Variants in KCNK10 observed in about 807,000 individuals in gnomAD.
The protein encoded by KCNK10 is potassium channel subfamily K member 10.
In KCNK10, 25 loss-of-function variants were observed where a neutral mutation model predicts 47.7. That is an observed-to-expected ratio of 0.52 (90% CI 0.38 to 0.73). The LOEUF (loss-of-function observed/expected upper bound fraction) is 0.73, where lower values mean the gene tolerates loss of function less well. Among genes scored for constraint, KCNK10 ranks in the 30% least tolerant of loss-of-function variants. The pLI, the probability that KCNK10 is intolerant of heterozygous loss-of-function variation, is 0.00. For synonymous variants in KCNK10, 303 were observed against 285.6 expected, an observed-to-expected ratio of 1.06 and a Z score of -0.61; for missense variants, 563 against 714.5, an observed-to-expected ratio of 0.79 and a Z score of 2.42.
rs1317844760 is a variant in KCNK10 at position 88,185,691 on chromosome 14, C to T, written c.1476G>A (p.Glu492=). ...AGTTACACATCTTTTCCGTCTCCTCCTCTTTCTTCTCCTCGTCCAGGGAGT... is the reference window on the plus strand; with the variant it reads ...AGTTACACATCTTTTCCGTCTCCTCTTCTTTCTTCTCCTCGTCCAGGGAGT... ...RNYSLDEEKK[E]EETEKMCNSD... Residue 492 remains glutamate, a synonymous_variant, in exon 7 of 7, where the codon GAG becomes GAA. Coordinates refer to ENST00000319231, the MANE Select transcript of KCNK10 (RefSeq NM_138317.3). The surrounding 1 kb of genome is among the most constrained non-coding windows in gnomAD (Gnocchi z 4.3). 1.2e-6 allele frequency: 2 copies of T among 1,614,196 alleles called. No individual in the cohort carries two copies. Among genetic ancestry groups the T allele is most frequent in the Non-Finnish European group, 1.7e-6 (2 of 1,180,042 alleles).
At chr14:88,274,457 AG>A (rs1285844482) in intron 1 of KCNK10, among the ~76,000 whole-genome samples, 1 of 147,508 alleles carries the variant, frequency 6.8e-6, no homozygotes, top group African/African-American at 2.5e-5. Context: ...GCTACTCAGG[AG>A]GCTGAGGCAG....
At position 88,180,765 on chromosome 14, in the gene KCNK10, T is replaced by C; in HGVS notation, c.*4770A>G. 2.5e-6 allele frequency: 1 copy of C among 398,450 alleles called. No homozygotes were observed. 24.7% of individuals were successfully genotyped at this position (398,450 alleles called of 1,614,324 possible). ...TGAGAGAACTGAGGTTTACATGGAG[T>C]ATGGATGGGTTGGTGAAGTCCAATG... On this transcript the variant is annotated 3_prime_UTR_variant, in exon 7 of 7. Coordinates refer to ENST00000319231, the MANE Select transcript of KCNK10 (RefSeq NM_138317.3).
At chr14:88,217,716 A>G (rs113562757) in intron 4 of KCNK10, among the ~76,000 whole-genome samples, 181 of 136,422 alleles carry the variant, frequency 1.3e-3, no homozygotes, top group African/African-American at 5.2e-3. Flanking sequence ...CACCTCACCC[A>G]AGTAATTTGA....
At chr14:88,190,609 C>G (rs572273512) in intron 5 of KCNK10, among the ~76,000 whole-genome samples, 2 of 152,002 alleles carry the variant, frequency 1.3e-5, no homozygotes, top group African/African-American at 2.4e-5. Flanking sequence ...TTTAGTCACA[C>G]TGACTAAAAA....
intron 3 of KCNK10, among the ~76,000 whole-genome samples, chr14:88,236,560 A>T (rs1326642974): frequency 6.6e-6 from 1 of 152,242 alleles, no homozygotes; most frequent in African/African-American, 2.4e-5. Flanking sequence ...AGCTACGACT[A>T]AAACAAATGC....
At chr14:88,276,842 C>T (rs1014790480) in intron 1 of KCNK10, among the ~76,000 whole-genome samples, 15 of 152,264 alleles carry the variant, frequency 9.9e-5, no homozygotes, top group African/African-American at 3.6e-4. Context: ...CTCTGCTCAG[C>T]TACAGCTGTC....
intron 2 of KCNK10, among the ~76,000 whole-genome samples, chr14:88,244,805 T>TAG (rs1886582815): frequency 1.3e-5 from 2 of 152,112 alleles, no homozygotes; most frequent in South Asian, 4.1e-4. Context: ...TGTTACAGGG[T>TAG]AGAGGTTCAA....
chr14:88,310,517 T>C (rs1204765855), intron 1 of KCNK10, among the ~76,000 whole-genome samples: 1 of 152,102 alleles, frequency 6.6e-6, no homozygotes, highest in African/African-American at 2.4e-5. Flanking sequence ...AGAGGGACTT[T>C]ATAGGGCTCC....
intron 1 of KCNK10, among the ~76,000 whole-genome samples, chr14:88,287,517 C>T (rs907279350): frequency 1.3e-5 from 2 of 152,164 alleles, no homozygotes; most frequent in South Asian, 2.1e-4. Context: ...GATGCCTTTG[C>T]ATCCTCATAG....
chr14:88,312,555 C>A (rs146900363), intron 1 of KCNK10, among the ~76,000 whole-genome samples: 1 of 152,298 alleles, frequency 6.6e-6, no homozygotes, highest in East Asian at 1.9e-4. Context: ...TGGAGGCCAT[C>A]CTGTTTTTTC....
At position 88,185,974 on chromosome 14, in the gene KCNK10, G is replaced by A. The variant is rs1024950746; in HGVS notation, c.1193C>T (p.Ser398Phe). ...DQRAHSLDML[S>F]PEKRSVFAAL... ...AGCAAAGACAGAGCGCTTCTCGGGG[G>A]ACAGCATGTCCAGTGAGTGGGCCCG... Residue 398 changes from serine (S) to phenylalanine (F), a missense_variant, in exon 7 of 7, where the codon TCC becomes TTC. Transcript: ENST00000319231. This position sits in a 1 kb window ranked among gnomAD's most constrained non-coding sequence, Gnocchi z 4.3. 1 of 1,613,538 alleles carries A rather than the reference G, an allele frequency of 6.2e-7. No individual in the cohort carries two copies. The highest frequency in any genetic ancestry group is 1.3e-5 in the African/African-American group (1 of 74,924).
In KCNK10 at chr14:88,192,405, C is replaced by A. The variant is rs769909182; in HGVS notation, c.687G>T (p.Lys229Asn). The change falls in exon 5 of 7, where the codon AAG becomes AAT. Residue 229 changes from lysine (K) to asparagine (N), a missense_variant. Physicochemically the swap from Lys to Asn is moderately conservative, Grantham distance 94. Coordinates refer to ENST00000319231, the MANE Select transcript of KCNK10 (RefSeq NM_138317.3). ...CCCGGATCTTGGTCTGACTCACTTGCTTTTTCTAGGAAGAGCAAAGGAGAA... is the reference window on the plus strand; with the variant it reads ...CCCGGATCTTGGTCTGACTCACTTGATTTTTCTAGGAAGAGCAAAGGAGAA... ...IARVEKVFRK[K>N]QVSQTKIRVI... 12 of 1,613,332 alleles carry A rather than the reference C, an allele frequency of 7.4e-6. No individual in the cohort carries two copies. The East Asian group carries it at 2.5e-4, about 33-fold the overall frequency.
intron 4 of KCNK10, among the ~76,000 whole-genome samples, chr14:88,223,196 A>G (rs569391592): frequency 3.3e-5 from 5 of 152,154 alleles, no homozygotes; most frequent in Non-Finnish European, 7.4e-5. Flanking sequence ...ACATCTACCC[A>G]GCAACTGACT....
rs34318518 is a variant in KCNK10 at position 88,212,109 on chromosome 14, A to AATATATATATATATATATATATAT, written c.681+15265_681+15266insATATATATATATATATATATATAT. The stretch of plus-strand genomic sequence containing the variant: ...ACTTTTGGTACTAACTGATAGTGAG[A>AATATATATATATATATATATATAT]ATATATATATATATATATATATCGA... On this transcript the variant is annotated intron_variant, in intron 4 of 6. Coordinates refer to ENST00000319231, the MANE Select transcript of KCNK10 (RefSeq NM_138317.3). Among the ~76,000 whole-genome samples, 1,059 of 132,540 alleles carry AATATATATATATATATATATATAT rather than the reference A, an allele frequency of 8.0e-3. 14 individuals are homozygous for AATATATATATATATATATATATAT. The highest frequency in any genetic ancestry group is 0.015 in the East Asian group (54 of 3,722). 87.0% of individuals were successfully genotyped at this position (132,540 alleles called of 152,430 possible). A position where few individuals can be genotyped will look rare whatever the true frequency, so the allele number is the denominator to read the frequency against.
chr14:88,273,611 C>T (rs1454430954), intron 1 of KCNK10, among the ~76,000 whole-genome samples: 2 of 152,138 alleles, frequency 1.3e-5, no homozygotes, highest in African/African-American at 4.8e-5. Context: ...CAGGCATATC[C>T]GACTGGACCA....
intron 4 of KCNK10, among the ~76,000 whole-genome samples, chr14:88,205,842 C>A (rs946783925): frequency 6.6e-6 from 1 of 152,038 alleles, no homozygotes; most frequent in African/African-American, 2.4e-5. Flanking sequence ...ATGCCTGGCC[C>A]GTAGTGCATT....
intron 1 of KCNK10, among the ~76,000 whole-genome samples, chr14:88,290,489 T>C (rs559638209): frequency 2.0e-5 from 3 of 152,348 alleles, no homozygotes; most frequent in African/African-American, 7.2e-5. Context: ...ATTAGTAACA[T>C]GTTCTGGGTG....
chr14:88,246,921 T>A (rs1295786502), intron 2 of KCNK10, among the ~76,000 whole-genome samples: 2 of 152,124 alleles, frequency 1.3e-5, no homozygotes, highest in Non-Finnish European at 2.9e-5. Context: ...TCAGGAGTAT[T>A]AGTAACAGGA....
Position 88,260,682 on chromosome 14 carries a change from C to G in KCNK10, c.402+2520G>C, listed in dbSNP as rs77851691. On this transcript the variant is annotated intron_variant, in intron 2 of 6. Transcript: ENST00000319231. This position sits in a 1 kb window ranked among gnomAD's most constrained non-coding sequence, Gnocchi z 4.5. The stretch of plus-strand genomic sequence containing the variant: ...GTTTCCTCCCCTGTAAAATGGGAAT[C>G]GTGATATGAACTTAGAGTGTTGTTG... Among the ~76,000 whole-genome samples, 1 of 152,122 alleles carries G rather than the reference C, an allele frequency of 6.6e-6. No homozygotes were observed. The highest frequency in any genetic ancestry group is 2.1e-4 in the South Asian group (1 of 4,816).
Sources: allele counts gnomAD v4.1 joint callset (sites outside exome capture counted in the v4.1 genomes callset), GRCh38; gene constraint gnomAD v4.1.1; non-coding constraint Gnocchi (gnomAD v3.1); transcripts MANE v1.5; gene names NCBI Gene and HGNC (gene_info 2026-07-23, HGNC 2026-07-21).